ZC3H12B: variants seen among roughly 807,000 people sequenced by gnomAD.
The protein encoded by ZC3H12B is probable ribonuclease ZC3H12B.
Under a neutral mutation model 43.9 loss-of-function variants are expected in ZC3H12B, and 7 were observed. The ratio of observed to expected loss-of-function variants is 0.16; its 90% CI spans 0.09 to 0.30. The LOEUF is 0.30. ZC3H12B is among the 10% of genes least tolerant of loss of function. ZC3H12B has a pLI of 1.00. For synonymous variants in ZC3H12B, 222 were observed against 241.7 expected (o/e 0.92, Z 0.76); for missense variants, 475 against 670.2 (o/e 0.71, Z 3.22).
intron 3 of ZC3H12B, among the ~76,000 whole-genome samples, chrX:65,439,444 A>G (rs1162038482): frequency 8.9e-6 from 1 of 111,779 alleles, no homozygotes; most frequent in African/African-American, 3.2e-5. Flanking sequence ...TAATGATTCC[A>G]TAGGAATCGT....
chrX:65,443,676 C>T (rs1478472291), intron 3 of ZC3H12B, among the ~76,000 whole-genome samples: 1 of 112,557 alleles, frequency 8.9e-6, no homozygotes, highest in African/African-American at 3.2e-5. Context: ...TGCCTTTAAG[C>T]GGTTTTCCAG....
At chrX:65,113,438 C>A in the ZC3H12B span, among the ~76,000 whole-genome samples, 1 of 110,582 alleles carries the variant, frequency 9.0e-6, no homozygotes, top group Non-Finnish European at 1.9e-5. Context: ...TGGGCTCATG[C>A]CTGTAATCCC....
the ZC3H12B span, among the ~76,000 whole-genome samples, chrX:65,256,670 A>G: frequency 2.7e-5 from 3 of 111,858 alleles, no homozygotes; most frequent in Admixed American, 9.5e-5. Context: ...CTAGCAGAAG[A>G]CAAAAAATAA....
the ZC3H12B span, among the ~76,000 whole-genome samples, chrX:65,150,484 T>C: frequency 9.1e-6 from 1 of 109,996 alleles, no homozygotes; most frequent in African/African-American, 3.3e-5. Context: ...CTAAGTTCCT[T>C]CCCTGCCCCC....
At chrX:65,268,012 C>T in the ZC3H12B span, among the ~76,000 whole-genome samples, 4 of 109,230 alleles carry the variant, frequency 3.7e-5, no homozygotes, top group Non-Finnish European at 5.7e-5. Context: ...AAATCGGAGG[C>T]CCTAGCTAGA....
At chrX:65,186,953 G>A in the ZC3H12B span, among the ~76,000 whole-genome samples, 24 of 111,686 alleles carry the variant, frequency 2.1e-4, no homozygotes, top group Non-Finnish European at 4.1e-4. Context: ...ATTTGGGCTG[G>A]TTCCATATTT....
intron 3 of ZC3H12B, among the ~76,000 whole-genome samples, chrX:65,400,456 T>C (rs896024694): frequency 8.9e-6 from 1 of 111,977 alleles, no homozygotes; most frequent in Admixed American, 9.5e-5. Flanking sequence ...GTCATTCTCT[T>C]CCCAAATTCT....
chrX:65,260,049 A>G, the ZC3H12B span, among the ~76,000 whole-genome samples: 3 of 111,325 alleles, frequency 2.7e-5, no homozygotes, highest in East Asian at 8.5e-4. Context: ...AGAATGATAC[A>G]CTGGACTTTG....
chrX:65,452,159 A>G (rs1042329021), intron 3 of ZC3H12B, among the ~76,000 whole-genome samples: 7 of 111,500 alleles, frequency 6.3e-5, no homozygotes, highest in Non-Finnish European at 1.3e-4. Context: ...TCTATTCAAT[A>G]TAGTACTGGA....
At chrX:65,141,102 G>GT in the ZC3H12B span, among the ~76,000 whole-genome samples, 2 of 110,124 alleles carry the variant, frequency 1.8e-5, no homozygotes, top group Non-Finnish European at 3.8e-5. Context: ...TCTACAATGG[G>GT]TTTTTTAAAT....
chrX:65,452,707 G>A (rs1402767623), intron 3 of ZC3H12B, among the ~76,000 whole-genome samples: 1 of 110,885 alleles, frequency 9.0e-6, no homozygotes, highest in Non-Finnish European at 1.9e-5. Flanking sequence ...CAGGCGTAGT[G>A]GTAGGTGCCT....
intron 3 of ZC3H12B, among the ~76,000 whole-genome samples, chrX:65,448,211 G>T (rs2067406430): frequency 9.0e-6 from 1 of 110,843 alleles, no homozygotes; most frequent in Non-Finnish European, 1.9e-5. Flanking sequence ...CTCCAGCCTG[G>T]GTGACAGAGC....
chrX:65,156,085 A>T, the ZC3H12B span, among the ~76,000 whole-genome samples: 1 of 111,214 alleles, frequency 9.0e-6, no homozygotes, highest in African/African-American at 3.3e-5. Context: ...TAGAAAAAAA[A>T]ATGTTTATAT....
chrX:65,100,565 G>GAAAAAAAAAAA, the ZC3H12B span, among the ~76,000 whole-genome samples: 1 of 1,034 alleles, frequency 9.7e-4, no homozygotes, highest in Non-Finnish European at 1.5e-3. Context: ...CAAAGATAAA[G>GAAAAAAAAAAA]CAAAAAAAAA....
chrX:65,316,285 C>T, the ZC3H12B span, among the ~76,000 whole-genome samples: 1 of 111,767 alleles, frequency 8.9e-6, no homozygotes, highest in Non-Finnish European at 1.9e-5. Context: ...TTCCCAATCT[C>T]ACTAAAGAGG....
At chrX:65,398,389 T>C (rs911785798) in intron 2 of ZC3H12B, among the ~76,000 whole-genome samples, 1 of 112,108 alleles carries the variant, frequency 8.9e-6, no homozygotes, top group African/African-American at 3.2e-5. Context: ...ACTATAGTGA[T>C]ATGGTTTGGC....
At chrX:65,261,198 G>A in the ZC3H12B span, among the ~76,000 whole-genome samples, 2 of 111,553 alleles carry the variant, frequency 1.8e-5, no homozygotes, top group African/African-American at 6.5e-5. Context: ...AATAAAAAAT[G>A]TATAGTAACA....
chrX:65,152,137 C>A, the ZC3H12B span, among the ~76,000 whole-genome samples: 1 of 111,448 alleles, frequency 9.0e-6, no homozygotes, highest in African/African-American at 3.3e-5. Flanking sequence ...ACTGAATGGG[C>A]AAAAACTGGA....
chrX:65,432,365 A>G (rs747793180), intron 3 of ZC3H12B, among the ~76,000 whole-genome samples: 2 of 111,748 alleles, frequency 1.8e-5, no homozygotes, highest in Non-Finnish European at 3.8e-5. Context: ...TTATTTGTGG[A>G]TTATGGCAGT....
Sources: allele counts gnomAD v4.1 joint callset (sites outside exome capture counted in the v4.1 genomes callset), GRCh38; gene constraint gnomAD v4.1.1; transcripts MANE v1.5; gene names NCBI Gene and HGNC (gene_info 2026-07-23, HGNC 2026-07-21).